Variants in ZMYND11 observed in about 807,000 individuals in gnomAD.
ZMYND11 encodes zinc finger MYND domain-containing protein 11.
A neutral mutation model predicts 84.9 loss-of-function variants in ZMYND11; 9 were observed. The ratio of observed to expected loss-of-function variants is 0.11; its 90% confidence interval spans 0.06 to 0.18. The LOEUF (loss-of-function observed/expected upper bound fraction) is 0.18. Ranked by LOEUF, ZMYND11 falls within the 10% of genes least tolerant of loss-of-function variation. The probability of loss-of-function intolerance (pLI) is 1.00; values close to 1 mark genes in which losing one functional copy is unlikely to be tolerated. For missense variants in ZMYND11, 409 were observed against 761.0 expected, an observed-to-expected ratio of 0.54 and a Z score of 5.44; for synonymous variants, 250 against 244.1, an observed-to-expected ratio of 1.02 and a Z score of -0.23.
chr10:149,759 G>A (rs1444865284), intron 1 of ZMYND11, among the ~76,000 whole-genome samples: 1 of 152,110 alleles, frequency 6.6e-6, no homozygotes, highest in African/African-American at 2.4e-5. Flanking sequence ...TAGGAGAAGG[G>A]CAATTATTCT....
chr10:253,649 ATTACT>A lies in ZMYND11; in HGVS notation c.*1182_*1186del, dbSNP rs1194148262. On this transcript the variant is annotated 3_prime_UTR_variant, in exon 15 of 15. Transcript: ENST00000381604. ...ATAAAATACAGCCAGGAAAACTTAA[ATTACT>A]TTTCTTTTAAAATATCTCACAATTT... 1 of 152,634 alleles carries A rather than the reference ATTACT, an allele frequency of 6.6e-6. No individual in the cohort carries two copies. The allele number at this position is 152,634 out of a possible 1,614,324, so 9.5% of individuals were successfully genotyped here.
At chr10:158,516 C>G (rs573327081) in intron 1 of ZMYND11, among the ~76,000 whole-genome samples, 496 of 150,956 alleles carry the variant, frequency 3.3e-3, no homozygotes, top group Middle Eastern at 6.8e-3. Flanking sequence ...CTTCTGGGCT[C>G]AAGTGATCCT....
At chr10:161,147 G>A (rs1842872311) in intron 1 of ZMYND11, among the ~76,000 whole-genome samples, 1 of 151,820 alleles carries the variant, frequency 6.6e-6, no homozygotes, top group Non-Finnish European at 1.5e-5. Context: ...CTTGATCAGT[G>A]GGCTGCAGAA....
At chr10:165,635 G>A (rs1843832386) in intron 1 of ZMYND11, among the ~76,000 whole-genome samples, 1 of 152,010 alleles carries the variant, frequency 6.6e-6, no homozygotes, top group Non-Finnish European at 1.5e-5. Context: ...GGGAAAACCG[G>A]AAATCTAAGC....
chr10:221,726 A>ACTTT (rs561050628), intron 4 of ZMYND11, among the ~76,000 whole-genome samples: 9 of 152,208 alleles, frequency 5.9e-5, no homozygotes, highest in Non-Finnish European at 1.2e-4. Flanking sequence ...AACAGTTAGC[A>ACTTT]AAAGGCACAT....
At chr10:248,854 CTGTGT>C in intron 13 of ZMYND11, 44 bp from the exon 14 acceptor site, 1 of 1,560,472 alleles carries the variant, frequency 6.4e-7, no homozygotes, top group Non-Finnish European at 8.7e-7. Context: ...TGTAGATGGT[CTGTGT>C]TAAGTTGTGT....
At chr10:230,421 T>C (rs2448375) in intron 4 of ZMYND11, among the ~76,000 whole-genome samples, 137,680 of 148,276 alleles carry the variant, frequency 0.93, 64,157 homozygotes, top group Non-Finnish European at 0.97. Context: ...TGTAGTGAGT[T>C]GAGATCGCAC....
intron 4 of ZMYND11, among the ~76,000 whole-genome samples, chr10:235,149 TCAATTAAAATTTTTA>T (rs1301369600): frequency 1.3e-5 from 2 of 152,224 alleles, no homozygotes; most frequent in Non-Finnish European, 2.9e-5. Flanking sequence ...TTTCATTTTG[TCAATTAAAATTTTTA>T]CAAAGTTTTT....
rs1448403753 is a variant in ZMYND11 at position 135,784 on chromosome 10, C to T, written c.-20+225C>T. On this transcript the variant is annotated intron_variant, in intron 1 of 14. Coordinates refer to ENST00000381604, the MANE Select transcript of ZMYND11 (RefSeq NM_001370100.5). The surrounding 1 kb of genome is among the most constrained non-coding windows in gnomAD (Gnocchi z 5.6). Reference sequence around the variant, plus strand: ...GGGCCTGCGAGGGCGGCGGCGGGGCCTGCGGAGGCTGCCGGCCCGCGCCCA... The same window carrying T: ...GGGCCTGCGAGGGCGGCGGCGGGGCTTGCGGAGGCTGCCGGCCCGCGCCCA... 1.4e-5 allele frequency among the ~76,000 whole-genome samples: 2 copies of T among 147,902 alleles called. No individual in the cohort carries two copies. The highest frequency in any genetic ancestry group is 4.9e-5 in the African/African-American group (2 of 40,812).
chr10:245,893 T>C (rs1375169458), intron 10 of ZMYND11, among the ~76,000 whole-genome samples: 2 of 152,190 alleles, frequency 1.3e-5, no homozygotes, highest in East Asian at 1.9e-4. Context: ...CAACCACTAA[T>C]AGTTTACCTT....
chr10:221,051 A>G (rs1206515784), intron 3 of ZMYND11, 144 bp from the exon 4 acceptor site: 2 of 697,426 alleles, frequency 2.9e-6, no homozygotes, highest in Non-Finnish European at 4.8e-6. Context: ...CTTTCTAGGT[A>G]TTTTCCCTCT....
chr10:170,022 A>G (rs1371497180), intron 1 of ZMYND11, among the ~76,000 whole-genome samples: 1 of 152,152 alleles, frequency 6.6e-6, no homozygotes, highest in African/African-American at 2.4e-5. Context: ...AGTAAACTTG[A>G]AAGAATCCAG....
chr10:229,616 T>A (rs1389018249), intron 4 of ZMYND11, among the ~76,000 whole-genome samples: 1 of 152,210 alleles, frequency 6.6e-6, no homozygotes, highest in Non-Finnish European at 1.5e-5. Context: ...TGATGTACTG[T>A]TCTTCAGGTC....
chr10:183,779 T>A (rs1588722791), intron 2 of ZMYND11, among the ~76,000 whole-genome samples: 1 of 152,336 alleles, frequency 6.6e-6, no homozygotes, highest in Middle Eastern at 3.4e-3. Context: ...CCCTTATTGA[T>A]GCTATCTTTG....
intron 2 of ZMYND11, among the ~76,000 whole-genome samples, chr10:204,955 TTTTC>T (rs966823404): frequency 2.0e-5 from 3 of 151,976 alleles, no homozygotes; most frequent in African/African-American, 7.2e-5. Context: ...AGGTCACTGA[TTTTC>T]TTTGTCTATG....
At chr10:208,738 C>T (rs940650938) in intron 2 of ZMYND11, among the ~76,000 whole-genome samples, 6 of 152,086 alleles carry the variant, frequency 3.9e-5, no homozygotes, top group African/African-American at 9.7e-5. Context: ...GAGAACAGAA[C>T]GTTAGCCCTG....
chr10:178,025 T>G (rs1027531760), intron 1 of ZMYND11, among the ~76,000 whole-genome samples: 3 of 152,194 alleles, frequency 2.0e-5, no homozygotes, highest in Non-Finnish European at 4.4e-5. Flanking sequence ...TTAAAGAAAT[T>G]AAGAAAGGGA....
chr10:145,220 A>ATG (rs1838508101), intron 1 of ZMYND11, among the ~76,000 whole-genome samples: 1 of 137,208 alleles, frequency 7.3e-6, no homozygotes, highest in Non-Finnish European at 1.7e-5. Context: ...ATATGTATAT[A>ATG]TGTGTGTATA....
chr10:219,277 G>A lies in ZMYND11; in HGVS notation c.277-1918G>A, dbSNP rs1433423795. On this transcript the variant is annotated intron_variant, in intron 3 of 14. Coordinates refer to ENST00000381604, the MANE Select transcript of ZMYND11 (RefSeq NM_001370100.5). ...AGGAATTATACTCTTGCTTCCTTTTGTTAATTAACCTAGTAACTACTATAA... is the reference window on the plus strand; with the variant it reads ...AGGAATTATACTCTTGCTTCCTTTTATTAATTAACCTAGTAACTACTATAA... Among the ~76,000 whole-genome samples, 6 of 152,280 alleles carry A rather than the reference G, an allele frequency of 3.9e-5. No individual in the cohort carries two copies. The East Asian group carries it at 9.6e-4, about 24-fold the overall frequency.
Sources: gnomAD v4.1 joint callset for allele counts (sites outside exome capture counted in the v4.1 genomes callset) on GRCh38, gnomAD v4.1.1 for gene constraint, Gnocchi (gnomAD v3.1) non-coding constraint, MANE v1.5 for transcripts, NCBI Gene and HGNC (gene_info 2026-07-23, HGNC 2026-07-21) for gene names.